Variants in SHISA9 observed in about 807,000 individuals in gnomAD.
SHISA9 encodes shisa family member 9.
Under a neutral mutation model 38.0 loss-of-function variants are expected in SHISA9, and 13 were observed. That is an observed-to-expected ratio of 0.34 (90% CI 0.22 to 0.54). The LOEUF is 0.54. Among genes scored for constraint, SHISA9 ranks in the 20% least tolerant of loss-of-function variants. SHISA9 has a pLI of 0.91. For missense variants in SHISA9, 538 were observed against 575.8 expected (o/e 0.93, Z 0.67); for synonymous variants, 275 against 242.0 (o/e 1.14, Z -1.27).
chr16:13,004,276 C>G (rs1332502490), intron 2 of SHISA9, among the ~76,000 whole-genome samples: 1 of 152,186 alleles, frequency 6.6e-6, no homozygotes, highest in Non-Finnish European at 1.5e-5. Flanking sequence ...ATGATGTAGT[C>G]AAGCCTCAAT....
chr16:13,214,292 C>T (rs1354894097), intron 4 of SHISA9, among the ~76,000 whole-genome samples: 2 of 152,210 alleles, frequency 1.3e-5, no homozygotes, highest in Non-Finnish European at 2.9e-5. Flanking sequence ...TCCTCCGCCT[C>T]CCAGGTTCAA....
chr16:12,978,541 A>G (rs924566173), intron 2 of SHISA9, among the ~76,000 whole-genome samples: 1 of 152,240 alleles, frequency 6.6e-6, no homozygotes, highest in African/African-American at 2.4e-5. Context: ...TACTACTTCC[A>G]TAAAACTCCC....
intron 2 of SHISA9, among the ~76,000 whole-genome samples, chr16:13,106,391 C>G (rs2073925657): frequency 6.6e-6 from 1 of 152,250 alleles, no homozygotes; most frequent in South Asian, 2.1e-4. Context: ...AGCTCTGTGG[C>G]TTTGGGTGAC....
the SHISA9 span, among the ~76,000 whole-genome samples, chr16:13,281,561 G>GT: frequency 0.02 from 1,424 of 72,264 alleles, 25 homozygotes; most frequent in African/African-American, 0.043. Context: ...TCATTCCTCT[G>GT]TTTTTTTTTT....
chr16:13,098,163 G>C (rs2073845333), intron 2 of SHISA9, among the ~76,000 whole-genome samples: 1 of 152,140 alleles, frequency 6.6e-6, no homozygotes, highest in Non-Finnish European at 1.5e-5. Flanking sequence ...TCTTAATGTT[G>C]ATAAGGCATG....
intron 4 of SHISA9, among the ~76,000 whole-genome samples, chr16:13,225,255 T>C (rs545450284): frequency 2.6e-5 from 4 of 152,292 alleles, no homozygotes; most frequent in African/African-American, 9.6e-5. Flanking sequence ...AGCCTTCAGA[T>C]GGAGCATGGC....
chr16:13,262,889 A>G, the SHISA9 span, among the ~76,000 whole-genome samples: 1 of 152,146 alleles, frequency 6.6e-6, no homozygotes, highest in Non-Finnish European at 1.5e-5. Flanking sequence ...CAGGGAGAGC[A>G]TTAACTATCT....
intron 2 of SHISA9, among the ~76,000 whole-genome samples, chr16:13,067,980 T>A (rs2073454394): frequency 6.6e-6 from 1 of 152,206 alleles, no homozygotes; most frequent in African/African-American, 2.4e-5. Flanking sequence ...CCTTTTTAAT[T>A]GTCTGCCTTC....
intron 4 of SHISA9, among the ~76,000 whole-genome samples, chr16:13,229,402 G>C (rs1029476806): frequency 1.3e-5 from 2 of 152,198 alleles, no homozygotes; most frequent in African/African-American, 4.8e-5. Context: ...GGGAGAGGCA[G>C]CTGGGCATAA....
At chr16:13,392,218 A>G in the SHISA9 span, among the ~76,000 whole-genome samples, 2 of 152,082 alleles carry the variant, frequency 1.3e-5, no homozygotes, top group African/African-American at 4.8e-5. Context: ...AGTGCCTTAG[A>G]ATGTGATTGT....
chr16:13,400,225 C>G, the SHISA9 span, among the ~76,000 whole-genome samples: 1 of 152,266 alleles, frequency 6.6e-6, no homozygotes, highest in African/African-American at 2.4e-5. Context: ...CCGGTAGAAC[C>G]ATTCTGAGGC....
downstream of SHISA9, among the ~76,000 whole-genome samples, chr16:13,243,536 G>A: frequency 6.6e-6 from 1 of 152,178 alleles, no homozygotes; most frequent in African/African-American, 2.4e-5. Context: ...AGAAAGGAAT[G>A]TTTGGGTTGA....
the SHISA9 span, among the ~76,000 whole-genome samples, chr16:13,488,574 A>T: frequency 5.3e-5 from 8 of 152,182 alleles, no homozygotes; most frequent in Non-Finnish European, 1.0e-4. Context: ...CCATTGTTAC[A>T]GCTGCCTACA....
the SHISA9 span, among the ~76,000 whole-genome samples, chr16:13,514,337 A>G: frequency 2.0e-5 from 3 of 152,214 alleles, no homozygotes; most frequent in African/African-American, 2.4e-5. Flanking sequence ...AATTTAAAAA[A>G]AGAAAATGCA....
chr16:12,926,630 G>A (rs1308113057), intron 2 of SHISA9, among the ~76,000 whole-genome samples: 2 of 152,138 alleles, frequency 1.3e-5, no homozygotes, highest in South Asian at 4.2e-4. Flanking sequence ...GTGCCATGGA[G>A]CCAGAAGGAG....
chr16:12,905,747 A>G (rs925656280), intron 1 of SHISA9, among the ~76,000 whole-genome samples: 1 of 151,788 alleles, frequency 6.6e-6, no homozygotes, highest in African/African-American at 2.4e-5. Context: ...ATGCACCACC[A>G]CACCTGGCTA....
intron 2 of SHISA9, among the ~76,000 whole-genome samples, chr16:12,967,166 C>G: frequency 6.6e-6 from 1 of 152,148 alleles, no homozygotes; most frequent in African/African-American, 2.4e-5. Context: ...ACCCAAATGT[C>G]CATCAATGAT....
rs141468525 is a variant in SHISA9 at position 13,158,952 on chromosome 16, C to T, written c.692-44442C>T. 9.0e-3 allele frequency among the ~76,000 whole-genome samples: 1,348 copies of T among 150,178 alleles called. 6 individuals are homozygous for T. Among genetic ancestry groups the T allele is most frequent in the African/African-American group, 0.024 (965 of 40,894 alleles). On this transcript the variant is annotated intron_variant, in intron 2 of 4. Coordinates refer to ENST00000558583, the MANE Select transcript of SHISA9 (RefSeq NM_001145204.3). ...GCATGCGCCTGTAGTCCCAGCTACT[C>T]GCGAGGCTGAGGCAGGAGAATCACT... is the stretch of plus-strand genomic sequence containing the variant.
At chr16:13,000,686 G>C (rs2141841085) in intron 2 of SHISA9, among the ~76,000 whole-genome samples, 1 of 152,276 alleles carries the variant, frequency 6.6e-6, no homozygotes, top group Admixed American at 6.5e-5. Context: ...GAGGGCTACG[G>C]GGGATGACGC....
Sources: gnomAD v4.1 joint callset for allele counts (sites outside exome capture counted in the v4.1 genomes callset) on GRCh38, gnomAD v4.1.1 for gene constraint, MANE v1.5 for transcripts, NCBI Gene and HGNC (gene_info 2026-07-23, HGNC 2026-07-21) for gene names.